The following STXBP6 variants were observed in gnomAD, a reference collection of about 807,000 sequenced individuals.
STXBP6 encodes the protein syntaxin binding protein 6.
STXBP6 carries 21 observed loss-of-function variants against 26.9 expected under a neutral mutation model. That is an observed-to-expected ratio of 0.78 (90% CI 0.55 to 1.12). The LOEUF (loss-of-function observed/expected upper bound fraction) is 1.12, where lower values mean the gene tolerates loss of function less well. Ranked by LOEUF, STXBP6 falls within the 50% of genes most tolerant of loss-of-function variation. The pLI is 0.00. For missense variants in STXBP6, 232 were observed against 257.9 expected (o/e 0.90, Z 0.69); for synonymous variants, 97 against 92.6 (o/e 1.05, Z -0.27).
intron 2 of STXBP6, among the ~76,000 whole-genome samples, chr14:24,913,469 G>A (rs1220168873): frequency 1.3e-5 from 2 of 151,974 alleles, no homozygotes; most frequent in Non-Finnish European, 2.9e-5. Context: ...TACATTATTT[G>A]TCAACCACAA....
At chr14:24,850,006 TAAAAC>T (rs1261836422) in intron 4 of STXBP6, among the ~76,000 whole-genome samples, 1 of 152,040 alleles carries the variant, frequency 6.6e-6, no homozygotes. Context: ...TTGACAGAGT[TAAAAC>T]AGAAGGAAAA....
intron 2 of STXBP6, among the ~76,000 whole-genome samples, chr14:24,906,177 A>G (rs2139677226): frequency 6.6e-6 from 1 of 152,166 alleles, no homozygotes; most frequent in African/African-American, 2.4e-5. Flanking sequence ...AATGCTCTCT[A>G]TTTTTTCTCA....
chr14:25,014,514 TC>T (rs2075103249), intron 1 of STXBP6, among the ~76,000 whole-genome samples: 1 of 152,178 alleles, frequency 6.6e-6, no homozygotes, highest in Non-Finnish European at 1.5e-5. Context: ...CATGAAAATG[TC>T]TACTTGTCTT....
chr14:24,909,474 G>T (rs928953572), intron 2 of STXBP6, among the ~76,000 whole-genome samples: 1 of 152,046 alleles, frequency 6.6e-6, no homozygotes, highest in Non-Finnish European at 1.5e-5. Flanking sequence ...CTCAGTCCTA[G>T]CACTTTAGAA....
Position 24,856,608 on chromosome 14 carries a change from AG to A in STXBP6, c.285+418del, listed in dbSNP as rs541179529. ...TAAAATGTTTCTCCTATTAAAAGCA[AG>A]GGAATCACAATGCATACTGAAAGAT... is the stretch of plus-strand genomic sequence containing the variant. On this transcript the variant is annotated intron_variant, in intron 3 of 5. Transcript: ENST00000323944. 3.3e-5 allele frequency among the ~76,000 whole-genome samples: 5 copies of A among 152,182 alleles called. No homozygotes were observed. The South Asian group carries it at 1.0e-3, about 32-fold the overall frequency.
chr14:24,820,343 G>T (rs2068100546), intron 4 of STXBP6, among the ~76,000 whole-genome samples: 1 of 152,148 alleles, frequency 6.6e-6, no homozygotes, highest in East Asian at 1.9e-4. Flanking sequence ...TGTGGAAAAG[G>T]ATCTCAGGCA....
intron 2 of STXBP6, among the ~76,000 whole-genome samples, chr14:24,891,581 C>T (rs891620500): frequency 6.6e-6 from 1 of 152,170 alleles, no homozygotes; most frequent in Non-Finnish European, 1.5e-5. Flanking sequence ...CTTATGAATA[C>T]TATAATCTAT....
intron 2 of STXBP6, among the ~76,000 whole-genome samples, chr14:24,924,898 G>A (rs753970906): frequency 3.9e-5 from 6 of 152,120 alleles, no homozygotes; most frequent in Non-Finnish European, 5.9e-5. Context: ...CAATACCTGC[G>A]GAACTCCTTT....
chr14:24,885,741 A>G (rs949603031), intron 2 of STXBP6, among the ~76,000 whole-genome samples: 2 of 152,214 alleles, frequency 1.3e-5, no homozygotes, highest in African/African-American at 4.8e-5. Context: ...AATATCTTTG[A>G]TCTATACTTT....
chr14:24,942,531 A>G (rs1179812171), intron 2 of STXBP6, among the ~76,000 whole-genome samples: 5 of 152,134 alleles, frequency 3.3e-5, no homozygotes, highest in Non-Finnish European at 7.3e-5. Flanking sequence ...TGTTCAGAAA[A>G]CTCATCGTGA....
At chr14:25,032,714 T>G (rs2075481644) in intron 1 of STXBP6, among the ~76,000 whole-genome samples, 1 of 152,190 alleles carries the variant, frequency 6.6e-6, no homozygotes, top group Non-Finnish European at 1.5e-5. Context: ...TCCTTCACAT[T>G]TCACAAAGTT....
chr14:24,853,927 G>A (rs1413734928), intron 4 of STXBP6, among the ~76,000 whole-genome samples: 1 of 152,044 alleles, frequency 6.6e-6, no homozygotes, highest in East Asian at 1.9e-4. Flanking sequence ...GGAAGGCAAA[G>A]GAAGAACAAA....
At chr14:24,813,007 A>G (rs1428628005) in intron 5 of STXBP6, among the ~76,000 whole-genome samples, 1 of 152,138 alleles carries the variant, frequency 6.6e-6, no homozygotes, top group Admixed American at 6.5e-5. Flanking sequence ...GTGTTCCTAC[A>G]TCACACTGAA....
chr14:24,972,858 T>C (rs1220285329), intron 2 of STXBP6, among the ~76,000 whole-genome samples: 1 of 152,020 alleles, frequency 6.6e-6, no homozygotes, highest in Non-Finnish European at 1.5e-5. Context: ...GGTTTATCCC[T>C]GTAATCCCAG....
chr14:24,987,740 G>T, intron 1 of STXBP6: 1 of 699,466 alleles, frequency 1.4e-6, no homozygotes, highest in South Asian at 6.4e-5. Context: ...GAAGATAATG[G>T]CAAGAGCCAA....
intron 1 of STXBP6, among the ~76,000 whole-genome samples, chr14:25,047,906 A>G (rs1001823321): frequency 1.3e-5 from 2 of 152,176 alleles, no homozygotes; most frequent in South Asian, 2.1e-4. Flanking sequence ...TTGAGTTTCA[A>G]ACTAAGGCCT....
At chr14:24,893,872 T>A (rs1397294896) in intron 2 of STXBP6, among the ~76,000 whole-genome samples, 1 of 152,216 alleles carries the variant, frequency 6.6e-6, no homozygotes, top group Non-Finnish European at 1.5e-5. Context: ...AACTTCAGTC[T>A]AGTCATTCCT....
intron 2 of STXBP6, among the ~76,000 whole-genome samples, chr14:24,917,222 AT>A (rs2071799976): frequency 6.6e-6 from 1 of 152,084 alleles, no homozygotes; most frequent in Non-Finnish European, 1.5e-5. Flanking sequence ...TTGTAAAAAA[AT>A]CTCATATTAT....
chr14:25,005,969 G>C, intron 1 of STXBP6, among the ~76,000 whole-genome samples: 1 of 152,074 alleles, frequency 6.6e-6, no homozygotes, highest in Non-Finnish European at 1.5e-5. Flanking sequence ...GAGGGACTTT[G>C]GACTTTAGGG....
Sources: gnomAD v4.1 joint callset for allele counts (sites outside exome capture counted in the v4.1 genomes callset) on GRCh38, gnomAD v4.1.1 for gene constraint, MANE v1.5 for transcripts, NCBI Gene and HGNC (gene_info 2026-07-23, HGNC 2026-07-21) for gene names.